Variants in LRRC8B observed in about 807,000 individuals in gnomAD.
LRRC8B encodes leucine rich repeat containing 8 VRAC subunit B.
Under a neutral mutation model 58.8 loss-of-function variants are expected in LRRC8B, and 23 were observed. The ratio of observed to expected loss-of-function variants is 0.39; its 90% CI spans 0.28 to 0.55. LRRC8B has a LOEUF of 0.55. Among genes scored for constraint, LRRC8B ranks in the 20% least tolerant of loss-of-function variants. LRRC8B has a pLI of 0.62. For missense variants in LRRC8B, 694 were observed against 936.0 expected, an observed-to-expected ratio of 0.74 and a Z score of 3.37; for synonymous variants, 359 against 374.1, an observed-to-expected ratio of 0.96 and a Z score of 0.47.
At chr1:89,560,493 G>A (rs1652552407) in intron 1 of LRRC8B, among the ~76,000 whole-genome samples, 1 of 150,402 alleles carries the variant, frequency 6.6e-6, no homozygotes, top group African/African-American at 2.4e-5. Context: ...CCACTAACTC[G>A]TCATCTAGCA....
At chr1:89,539,447 C>T (rs1650786825) in intron 1 of LRRC8B, among the ~76,000 whole-genome samples, 2 of 152,130 alleles carry the variant, frequency 1.3e-5, no homozygotes, top group African/African-American at 4.8e-5. Context: ...TAGAACTGGA[C>T]CAGCCCAACA....
chr1:89,573,307 A>G (rs1224072565), intron 3 of LRRC8B, among the ~76,000 whole-genome samples: 1 of 145,546 alleles, frequency 6.9e-6, no homozygotes, highest in African/African-American at 2.5e-5. Context: ...TCAAAAAAAG[A>G]AAAAAAAAAA....
intron 4 of LRRC8B, among the ~76,000 whole-genome samples, chr1:89,580,893 AT>A (rs1026037748): frequency 4.6e-5 from 7 of 152,168 alleles, no homozygotes; most frequent in Non-Finnish European, 7.3e-5. Context: ...ATGGTCAGGA[AT>A]ATGCTGAGGA....
At chr1:89,574,959 GA>G (rs1474252029) in intron 3 of LRRC8B, among the ~76,000 whole-genome samples, 1 of 152,190 alleles carries the variant, frequency 6.6e-6, no homozygotes, top group Non-Finnish European at 1.5e-5. Context: ...CAGCTAGACG[GA>G]AGGGCTTCTA....
chr1:89,567,746 A>G (rs1296293176), intron 1 of LRRC8B, among the ~76,000 whole-genome samples: 1 of 152,132 alleles, frequency 6.6e-6, no homozygotes, highest in Non-Finnish European at 1.5e-5. Flanking sequence ...TATGCAAAAA[A>G]AACATATGAA....
intron 1 of LRRC8B, among the ~76,000 whole-genome samples, chr1:89,559,856 C>T (rs1652489408): frequency 6.6e-6 from 1 of 152,028 alleles, no homozygotes. Flanking sequence ...TCAAAGAGAC[C>T]AGTTTATGAG....
intron 3 of LRRC8B, among the ~76,000 whole-genome samples, chr1:89,569,302 T>C (rs1018024990): frequency 5.3e-5 from 8 of 152,204 alleles, no homozygotes; most frequent in African/African-American, 1.9e-4. Flanking sequence ...TAAATTTTTT[T>C]TAATTTTATA....
intron 1 of LRRC8B, among the ~76,000 whole-genome samples, chr1:89,534,326 T>A (rs964768516): frequency 3.3e-5 from 5 of 152,198 alleles, no homozygotes; most frequent in Non-Finnish European, 5.9e-5. Context: ...TTAAATTAAA[T>A]ACCAAAGTGA....
intron 1 of LRRC8B, among the ~76,000 whole-genome samples, chr1:89,550,974 G>A (rs1054006937): frequency 2.0e-5 from 3 of 151,776 alleles, no homozygotes; most frequent in East Asian, 1.9e-4. Context: ...GTTCTCTTTT[G>A]TAAGTCAATT....
At chr1:89,584,877 T>C (rs1309185064) in intron 5 of LRRC8B, 88 bp downstream of exon 5, 10 of 955,204 alleles carry the variant, frequency 1.0e-5, no homozygotes, top group Middle Eastern at 2.3e-4. Context: ...CAAATCATAC[T>C]GTGTGTTCTC....
chr1:89,537,586 C>A (rs918875720), intron 1 of LRRC8B, among the ~76,000 whole-genome samples: 10 of 152,292 alleles, frequency 6.6e-5, no homozygotes, highest in African/African-American at 2.4e-4. Flanking sequence ...GATTCTCCTG[C>A]CTCAGCCTCC....
At chr1:89,556,410 T>C (rs1652194216) in intron 1 of LRRC8B, among the ~76,000 whole-genome samples, 1 of 152,144 alleles carries the variant, frequency 6.6e-6, no homozygotes, top group Admixed American at 6.6e-5. Context: ...CTCTAGTAAA[T>C]TATCAAATTT....
chr1:89,561,833 C>G (rs1652680733), intron 1 of LRRC8B, among the ~76,000 whole-genome samples: 1 of 151,114 alleles, frequency 6.6e-6, no homozygotes, highest in Admixed American at 6.6e-5. Context: ...ATTCCTCCAG[C>G]TTTGTTCTTT....
In LRRC8B at chr1:89,583,064, T is replaced by C; in HGVS notation, c.414T>C (p.Phe138=). 2 of 1,614,198 alleles carry C rather than the reference T, an allele frequency of 1.2e-6. No homozygotes were observed. Among genetic ancestry groups the C allele is most frequent in the Non-Finnish European group, 1.7e-6 (2 of 1,180,032 alleles). The change falls in exon 5 of 6, where the codon TTT becomes TTC. Residue 138 remains phenylalanine (F), a synonymous_variant. Coordinates refer to ENST00000330947, the MANE Select transcript of LRRC8B (RefSeq NM_001369817.2). This position sits in a 1 kb window ranked among gnomAD's most constrained non-coding sequence, Gnocchi z 5.2. ...HTLIFAACSN[F]WLHYPSTSSR... is the part of the protein sequence containing the mutation. ...TCATCTTTGCAGCCTGCAGCAACTT[T>C]TGGCTTCACTACCCCAGTACCAGTT...
chr1:89,542,616 T>C (rs569631286), intron 1 of LRRC8B, among the ~76,000 whole-genome samples: 31 of 152,368 alleles, frequency 2.0e-4, no homozygotes, highest in Non-Finnish European at 3.8e-4. Flanking sequence ...AATATTCATA[T>C]TGATGCTCGT....
At chr1:89,543,285 G>A (rs887733727) in intron 1 of LRRC8B, among the ~76,000 whole-genome samples, 4 of 152,046 alleles carry the variant, frequency 2.6e-5, no homozygotes, top group African/African-American at 7.2e-5. Context: ...ATGCTAATTG[G>A]TCATCATGGG....
chr1:89,559,667 TAC>T (rs1193875265), intron 1 of LRRC8B, among the ~76,000 whole-genome samples: 1 of 150,250 alleles, frequency 6.7e-6, no homozygotes, highest in African/African-American at 2.4e-5. Flanking sequence ...TGTACACACA[TAC>T]ACACACCCAC....
chr1:89,567,813 A>C (rs1171745009), intron 1 of LRRC8B, among the ~76,000 whole-genome samples: 1 of 152,184 alleles, frequency 6.6e-6, no homozygotes, highest in African/African-American at 2.4e-5. Flanking sequence ...TTGAAAATTT[A>C]GTAGGGGAAT....
chr1:89,541,938 G>A (rs940756590), intron 1 of LRRC8B, among the ~76,000 whole-genome samples: 3 of 152,004 alleles, frequency 2.0e-5, no homozygotes, highest in African/African-American at 7.3e-5. Context: ...GATAATTTTA[G>A]TAACTGTTCT....
Sources: gnomAD v4.1 joint callset for allele counts (sites outside exome capture counted in the v4.1 genomes callset) on GRCh38, gnomAD v4.1.1 for gene constraint, Gnocchi (gnomAD v3.1) non-coding constraint, MANE v1.5 for transcripts, NCBI Gene and HGNC (gene_info 2026-07-23, HGNC 2026-07-21) for gene names.